LTBP4: variants seen among roughly 807,000 people sequenced by gnomAD.
The protein encoded by LTBP4 is latent-transforming growth factor beta-binding protein 4.
Under a neutral mutation model 180.2 loss-of-function variants are expected in LTBP4, and 93 were observed. The observed-to-expected ratio is 0.52, with a 90% CI of 0.44 to 0.61. The LOEUF (loss-of-function observed/expected upper bound fraction) is 0.61. Among genes scored for constraint, LTBP4 ranks in the 20% least tolerant of loss-of-function variants. The pLI, the probability that LTBP4 is intolerant of heterozygous loss-of-function variation, is 0.00. For missense variants in LTBP4, 2,116 were observed against 2,256.5 expected (o/e 0.94, Z 1.26); for synonymous variants, 947 against 934.5 (o/e 1.01, Z -0.24).
Position 40,622,481 on chromosome 19 carries a change from C to CT in LTBP4, c.3298_3299insT (p.Arg1100LeufsTer6). 1 of 1,609,900 alleles carries CT rather than the reference C, an allele frequency of 6.2e-7. No individual in the cohort carries two copies. Among genetic ancestry groups the CT allele is most frequent in the Non-Finnish European group, 8.5e-7 (1 of 1,177,424 alleles). On this transcript the variant is annotated frameshift_variant, in exon 23 of 30. Coordinates refer to ENST00000396819, the MANE Select transcript of LTBP4 (RefSeq NM_001042545.2). LOFTEE classifies it high-confidence loss of function. The surrounding 1 kb of genome is among the most constrained non-coding windows in gnomAD (Gnocchi z 5.1). ...GCCACCTCCGCCACCCCTGCCCCGCCGACCCAGCACACCTAGGCAGGGCCC... is the reference window on the plus strand; with the variant it reads ...GCCACCTCCGCCACCCCTGCCCCGCCTGACCCAGCACACCTAGGCAGGGCCC...
chr19:40,625,291 TATATATATATATATATATA>T lies in LTBP4; in HGVS notation c.3833-565_3833-547del, dbSNP rs1568414479. On this transcript the variant is annotated intron_variant, in intron 26 of 29. Transcript: ENST00000396819. ...ATATATATATATATATATATATATATATATATATATATATATATATATATATTTTTTTTTTTAAAGATGG... is the reference window on the plus strand; with the variant it reads ...ATATATATATATATATATATATATATTATATATTTTTTTTTTTAAAGATGG... Among the ~76,000 whole-genome samples, 13 of 11,432 alleles carry T rather than the reference TATATATATATATATATATA, an allele frequency of 1.1e-3. 4 individuals carry two copies. In the African/African-American group the frequency reaches 0.014, roughly 12 times the overall value. 7.5% of individuals were successfully genotyped at this position (11,432 alleles called of 152,430 possible).
At chr19:40,596,536 G>A (rs1211972072), upstream of LTBP4, among the ~76,000 whole-genome samples, 2 of 152,120 alleles carry the variant, frequency 1.3e-5, no homozygotes, top group Non-Finnish European at 2.9e-5. Context: ...TGTGGATCAG[G>A]GGCAGAGCCT....
Position 40,611,029 on chromosome 19 carries a change from T to G in LTBP4, c.1811-123T>G. 7.5e-7 allele frequency: 1 copy of G among 1,341,050 alleles called. No individual in the cohort carries two copies. Among genetic ancestry groups the G allele is most frequent in the Non-Finnish European group, 1.0e-6 (1 of 966,178 alleles). The allele number at this position is 1,341,050 out of a possible 1,614,324, so 83.1% of individuals were successfully genotyped here. ...TGGTGGAGGATGCAGAGTCAGATGA[T>G]GGTGACAAGGAGGAATAGAGATGGG... On this transcript the variant is annotated intron_variant, in intron 12 of 29. Coordinates refer to ENST00000396819, the MANE Select transcript of LTBP4 (RefSeq NM_001042545.2). The surrounding 1 kb of genome is among the most constrained non-coding windows in gnomAD (Gnocchi z 4.4).
intron 29 of LTBP4, 136 bp downstream of exon 29, chr19:40,627,993 G>A (rs2081650196): frequency 3.3e-6 from 4 of 1,227,474 alleles, no homozygotes; most frequent in African/African-American, 3.0e-5. Flanking sequence ...GCAAAAGGGA[G>A]GAGTAATTCT....
rs1324135992 is a variant in LTBP4 at position 40,622,562 on chromosome 19, GACA to G, written c.3383_3385del (p.Asn1128del). 1 of 1,613,808 alleles carries G rather than the reference GACA, an allele frequency of 6.2e-7. No individual in the cohort carries two copies. Among genetic ancestry groups the G allele is most frequent in the East Asian group, 2.2e-5 (1 of 44,900 alleles). On this transcript the variant is annotated inframe_deletion, in exon 23 of 30. Coordinates refer to ENST00000396819, the MANE Select transcript of LTBP4 (RefSeq NM_001042545.2). The surrounding 1 kb of genome is among the most constrained non-coding windows in gnomAD (Gnocchi z 5.1). ...TGACACAGCGGCCCCGGATGCATGTGACAACATCCTGGCTCGGAATGTGACATG... is the reference window on the plus strand; with the variant it reads ...TGACACAGCGGCCCCGGATGCATGTGACATCCTGGCTCGGAATGTGACATG...
intron 7 of LTBP4, 86 bp from the exon 8 acceptor site, chr19:40,608,134 G>C: frequency 2.0e-6 from 3 of 1,480,650 alleles, no homozygotes; most frequent in Non-Finnish European, 2.8e-6. Context: ...GCCAAGCCCT[G>C]CCCCTAGCCA....
Position 40,614,330 on chromosome 19 carries a change from G to A in LTBP4, c.2696G>A (p.Arg899His). 6.3e-7 allele frequency: 1 copy of A among 1,599,262 alleles called. No homozygotes were observed. The highest frequency in any genetic ancestry group is 8.5e-7 in the Non-Finnish European group (1 of 1,179,362). The change falls in exon 19 of 30, where the codon CGC (arginine) becomes CAC (histidine). Residue 899 changes from arginine (R) to histidine (H), a missense_variant. Transcript: ENST00000396819. ...CTCTCCTCAGACGTGGACGAATGTC[G>A]CGAGCGAGGCCCAGCCCTGTGCGGG... ...LASCLDVDEC[R>H]ERGPALCGSQ...
rs541197844 is a variant in LTBP4, at chr19:40,627,350, A to G, written c.4361A>G (p.Tyr1454Cys). 19 of 1,503,990 alleles carry G rather than the reference A, an allele frequency of 1.3e-5. No individual in the cohort carries two copies. The highest frequency in any genetic ancestry group is 1.7e-5 in the Non-Finnish European group (19 of 1,128,876). 93.2% of individuals were successfully genotyped at this position (1,503,990 alleles called of 1,614,324 possible). Residue 1454 changes from tyrosine (Y) to cysteine (C), a missense_variant, in exon 28 of 30, where the codon TAT becomes TGT. This residue lies in a region of LTBP4 where 488 missense variants were observed against 458.8 expected (regional missense o/e 1.06). Coordinates refer to ENST00000396819, the MANE Select transcript of LTBP4 (RefSeq NM_001042545.2). ...EPEEPPEGGS[Y>C]AGSLAEPYEE... ...GAGGAGCCTCCTGAAGGTGGAAGCT[A>G]TGCTGGTGAGCACTGCCAGCGCATG...
upstream of LTBP4, among the ~76,000 whole-genome samples, chr19:40,598,147 TC>T (rs1403890725): frequency 2.7e-5 from 3 of 110,878 alleles, no homozygotes; most frequent in Admixed American, 1.1e-4. Flanking sequence ...GGCCCAGCGC[TC>T]CGTTACAAAG....
rs928663382 is a variant in LTBP4, at chr19:40,619,880, G to A, written c.3217+387G>A. 3.3e-5 allele frequency among the ~76,000 whole-genome samples: 5 copies of A among 152,178 alleles called. No homozygotes were observed. In the East Asian group the frequency reaches 9.6e-4, roughly 29 times the overall value. On this transcript the variant is annotated intron_variant, in intron 22 of 29. Transcript: ENST00000396819. ...AAGACTGTGACGGGGAAAGCCCAGG[G>A]GGGTTTTGGAGGAGGCGCCTGGCCC...
At chr19:40,595,420 C>T (rs944668414) in intron 1 of LTBP4, among the ~76,000 whole-genome samples, 4 of 149,592 alleles carry the variant, frequency 2.7e-5, no homozygotes, top group African/African-American at 7.4e-5. Context: ...GTGAACCCAG[C>T]CAGGCTCTGC....
At chr19:40,601,358 G>A, upstream of LTBP4, 2 of 1,133,844 alleles carry the variant, frequency 1.8e-6, no homozygotes, top group Non-Finnish European at 1.1e-6. Flanking sequence ...GGGCTGGGGC[G>A]GCGGCGCGGC....
At chr19:40,614,065 C>G in intron 18 of LTBP4, 27 bp downstream of exon 18, 3 of 1,609,552 alleles carry the variant, frequency 1.9e-6, no homozygotes, top group Non-Finnish European at 2.5e-6. Flanking sequence ...CGGCCTGATC[C>G]CTCCTCCCTT....
Position 40,607,268 on chromosome 19 carries a change from A to AC in LTBP4, c.992-92dup. On this transcript the variant is annotated intron_variant, in intron 6 of 29. Coordinates refer to ENST00000396819, the MANE Select transcript of LTBP4 (RefSeq NM_001042545.2). ...TGCCCCTCGCACCCACCAACCCCCC[A>AC]CCCCCAACCCCAGAACCATTCCCCT... 164 of 184,144 alleles carry AC rather than the reference A, an allele frequency of 8.9e-4. 1 individual carries two copies. The highest frequency in any genetic ancestry group is 1.8e-3 in the South Asian group (55 of 30,980). 11.4% of individuals were successfully genotyped at this position (184,144 alleles called of 1,614,324 possible).
In LTBP4 at chr19:40,611,502, A is replaced by G; in HGVS notation, c.2053+108A>G. ...GTGATGGGGCTCAGGGATGGAGAACAGGGGCTGAGGGATGGGGACCTCACT... is the reference window on the plus strand; with the variant it reads ...GTGATGGGGCTCAGGGATGGAGAACGGGGGCTGAGGGATGGGGACCTCACT... On this transcript the variant is annotated intron_variant, in intron 13 of 29. Transcript: ENST00000396819. The surrounding 1 kb of genome is among the most constrained non-coding windows in gnomAD (Gnocchi z 4.4). 1 of 1,450,292 alleles carries G rather than the reference A, an allele frequency of 6.9e-7. No homozygotes were observed. The highest frequency in any genetic ancestry group is 9.2e-7 in the Non-Finnish European group (1 of 1,088,768). 89.8% of individuals were successfully genotyped at this position (1,450,292 alleles called of 1,614,324 possible).
In LTBP4 at chr19:40,627,890, G is replaced by A. The variant is rs779369119; in HGVS notation, c.4519+33G>A. 5.2e-6 allele frequency: 8 copies of A among 1,541,600 alleles called. No individual in the cohort carries two copies. The South Asian group carries it at 8.3e-5, about 16-fold the overall frequency. On this transcript the variant is annotated intron_variant, in intron 29 of 29. Coordinates refer to ENST00000396819, the MANE Select transcript of LTBP4 (RefSeq NM_001042545.2). ...CGGGCCCGGGGCCAGCATGCGCAGG[G>A]AGAGGCGAGGCTTGTCCAGGGAGGG...
intron 5 of LTBP4, 35 bp downstream of exon 5, chr19:40,606,342 TG>T: frequency 1.3e-6 from 2 of 1,589,956 alleles, no homozygotes; most frequent in Admixed American, 1.7e-5. Context: ...GGCTTGGTTC[TG>T]GGGGCGGGAT....
At chr19:40,620,712 G>T (rs1239847103) in intron 22 of LTBP4, among the ~76,000 whole-genome samples, 8 of 143,678 alleles carry the variant, frequency 5.6e-5, no homozygotes, top group Non-Finnish European at 1.2e-4. Context: ...GGAGGCGGAG[G>T]TTGTGGGATT....
chr19:40,616,828 G>C (rs2081552309), intron 19 of LTBP4, 61 bp from the exon 20 acceptor site: 1 of 1,586,240 alleles, frequency 6.3e-7, no homozygotes, highest in African/African-American at 1.3e-5. Flanking sequence ...CACCGGAAGT[G>C]GTGTTAGAAC....
Sources: gnomAD v4.1 joint callset for allele counts (sites outside exome capture counted in the v4.1 genomes callset) on GRCh38, gnomAD v4.1.1 for gene constraint, gnomAD v4.1.1 regional missense constraint, Gnocchi (gnomAD v3.1) non-coding constraint, MANE v1.5 for transcripts, NCBI Gene and HGNC (gene_info 2026-07-23, HGNC 2026-07-21) for gene names.